PRKN: variants seen among roughly 807,000 people sequenced by gnomAD.
The protein encoded by PRKN is E3 ubiquitin-protein ligase parkin.
In PRKN, 56 loss-of-function variants were observed where a neutral mutation model predicts 59.5. The observed-to-expected ratio is 0.94, with a 90% CI of 0.76 to 1.18. PRKN has a LOEUF of 1.18. PRKN is among the 50% of genes most tolerant of loss of function. The pLI, the probability that PRKN is intolerant of heterozygous loss-of-function variation, is 0.00. For missense variants in PRKN, 657 were observed against 596.4 expected (o/e 1.10, Z -1.06); for synonymous variants, 250 against 222.1 (o/e 1.13, Z -1.12).
At chr6:161,557,891 C>A (rs921924207) in intron 8 of PRKN, among the ~76,000 whole-genome samples, 6 of 152,084 alleles carry the variant, frequency 3.9e-5, no homozygotes, top group Admixed American at 1.3e-4. Context: ...TCAGGTACAG[C>A]TCTTGGGTCT....
chr6:162,339,204 G>T (rs1182718570), intron 2 of PRKN, among the ~76,000 whole-genome samples: 1 of 148,330 alleles, frequency 6.7e-6, no homozygotes, highest in African/African-American at 2.5e-5. Context: ...AGTGAGGAGC[G>T]TCTCCGCCCG....
intron 6 of PRKN, among the ~76,000 whole-genome samples, chr6:161,825,995 T>G (rs535771670): frequency 1.3e-5 from 2 of 152,278 alleles, no homozygotes; most frequent in East Asian, 3.9e-4. Context: ...ACCCTAGCCA[T>G]CCCGGGCTTC....
At chr6:162,290,749 C>T (rs922468532) in intron 2 of PRKN, among the ~76,000 whole-genome samples, 8 of 152,150 alleles carry the variant, frequency 5.3e-5, no homozygotes, top group African/African-American at 1.9e-4. Flanking sequence ...TGAACTTTTC[C>T]AGTTCTGCCC....
chr6:162,036,579 C>A (rs1450267826), intron 5 of PRKN, among the ~76,000 whole-genome samples: 2 of 151,626 alleles, frequency 1.3e-5, no homozygotes, highest in Admixed American at 6.6e-5. Flanking sequence ...CAGGGTTTCA[C>A]CATGTTGGCC....
intron 4 of PRKN, among the ~76,000 whole-genome samples, chr6:162,075,313 T>A (rs777482255): frequency 7.9e-5 from 12 of 152,186 alleles, no homozygotes; most frequent in African/African-American, 1.4e-4. Flanking sequence ...ATAAGAAGTT[T>A]ATTAGATTTC....
chr6:162,573,089 A>C (rs1780416250), intron 1 of PRKN, among the ~76,000 whole-genome samples: 1 of 152,184 alleles, frequency 6.6e-6, no homozygotes, highest in Non-Finnish European at 1.5e-5. Flanking sequence ...ATTTACAATT[A>C]CATTTTTCAC....
At chr6:161,899,215 T>G (rs1165227936) in intron 6 of PRKN, among the ~76,000 whole-genome samples, 1 of 152,228 alleles carries the variant, frequency 6.6e-6, no homozygotes, top group Admixed American at 6.5e-5. Context: ...CAGGGAGATA[T>G]TTGCATAAAT....
chr6:161,897,722 C>G (rs9365341), intron 6 of PRKN, among the ~76,000 whole-genome samples: 11,250 of 151,016 alleles, frequency 0.074, 603 homozygotes, highest in East Asian at 0.16. Flanking sequence ...TGGCTCACGC[C>G]TGTAATCCCA....
intron 6 of PRKN, among the ~76,000 whole-genome samples, chr6:161,932,146 A>G (rs1269275436): frequency 1.3e-5 from 2 of 152,056 alleles, no homozygotes; most frequent in East Asian, 3.9e-4. Flanking sequence ...ATTTAAAAAA[A>G]TCTCAGTTAA....
chr6:162,089,102 A>G (rs1159232081), intron 4 of PRKN, among the ~76,000 whole-genome samples: 3 of 152,220 alleles, frequency 2.0e-5, no homozygotes, highest in Non-Finnish European at 2.9e-5. Context: ...TCACTACAGT[A>G]AAATGACAAC....
At chr6:162,339,634 G>C (rs2128127674) in intron 2 of PRKN, among the ~76,000 whole-genome samples, 1 of 152,198 alleles carries the variant, frequency 6.6e-6, no homozygotes, top group Non-Finnish European at 1.5e-5. Context: ...CCGTCTGGGA[G>C]GTGTACCCAA....
intron 2 of PRKN, among the ~76,000 whole-genome samples, chr6:162,433,649 T>G (rs1040652555): frequency 6.6e-6 from 1 of 152,208 alleles, no homozygotes; most frequent in African/African-American, 2.4e-5. Flanking sequence ...TCTGAAGTTC[T>G]TAGTGTCCAA....
At chr6:162,110,139 T>C (rs141780561) in intron 4 of PRKN, among the ~76,000 whole-genome samples, 37 of 152,316 alleles carry the variant, frequency 2.4e-4, no homozygotes, top group African/African-American at 8.7e-4. Context: ...AATTAATATA[T>C]TGATGTTTAC....
intron 2 of PRKN, among the ~76,000 whole-genome samples, chr6:162,291,698 G>C (rs1781435617): frequency 6.6e-6 from 1 of 152,098 alleles, no homozygotes; most frequent in Non-Finnish European, 1.5e-5. Flanking sequence ...CTTTAACAGA[G>C]CCCCTTTTCA....
At chr6:162,440,634 C>G (rs909475940) in intron 2 of PRKN, among the ~76,000 whole-genome samples, 2 of 152,010 alleles carry the variant, frequency 1.3e-5, no homozygotes, top group Admixed American at 6.6e-5. Flanking sequence ...GAATACGAAA[C>G]CAGGAGGAAG....
intron 6 of PRKN, among the ~76,000 whole-genome samples, chr6:161,896,735 T>G (rs1222850015): frequency 6.6e-6 from 1 of 152,182 alleles, no homozygotes; most frequent in Non-Finnish European, 1.5e-5. Flanking sequence ...CCTTTTCCAA[T>G]ATTATACTCT....
intron 1 of PRKN, among the ~76,000 whole-genome samples, chr6:162,663,587 G>C (rs1438682667): frequency 1.3e-5 from 2 of 152,100 alleles, no homozygotes; most frequent in Admixed American, 1.3e-4. Flanking sequence ...ACTATGATTA[G>C]ATTAGAACTT....
chr6:162,541,229 C>T (rs1046522779), intron 1 of PRKN, among the ~76,000 whole-genome samples: 14 of 152,194 alleles, frequency 9.2e-5, no homozygotes, highest in Non-Finnish European at 1.8e-4. Context: ...GAGTAAGCCA[C>T]ACAATCTGTT....
In PRKN at chr6:161,371,987, G is replaced by C. The variant is rs1785462081; in HGVS notation, c.1168-11782C>G. 1.3e-5 allele frequency among the ~76,000 whole-genome samples: 2 copies of C among 152,214 alleles called. No homozygotes were observed. The highest frequency in any genetic ancestry group is 2.9e-5 in the Non-Finnish European group (2 of 68,038). On this transcript the variant is annotated intron_variant, in intron 10 of 11. Transcript: ENST00000366898. The surrounding 1 kb of genome is among the most constrained non-coding windows in gnomAD (Gnocchi z 5.5). ...TTCTAACAGTGGTGATTTCTGCTAG[G>C]AGTGGAATGTGTGCCAAGTGCCACA... is the stretch of plus-strand genomic sequence containing the variant.
Sources: gnomAD v4.1 joint callset for allele counts (sites outside exome capture counted in the v4.1 genomes callset) on GRCh38, gnomAD v4.1.1 for gene constraint, Gnocchi (gnomAD v3.1) non-coding constraint, MANE v1.5 for transcripts, NCBI Gene and HGNC (gene_info 2026-07-23, HGNC 2026-07-21) for gene names.